The following CACNA1B variants were observed in gnomAD, a reference collection of about 807,000 sequenced individuals.
The protein encoded by CACNA1B is calcium voltage-gated channel subunit alpha1 B.
CACNA1B carries 70 observed loss-of-function variants against 247.2 expected under a neutral mutation model. The observed-to-expected ratio is 0.28, with a 90% CI of 0.23 to 0.35. CACNA1B has a LOEUF of 0.35. CACNA1B is among the 10% of genes least tolerant of loss of function. The pLI is 1.00. For missense variants in CACNA1B, 2,367 were observed against 3,197.4 expected (o/e 0.74, Z 6.26); for synonymous variants, 1,231 against 1,294.4 (o/e 0.95, Z 1.05).
chr9:138,073,751 T>G lies in CACNA1B; in HGVS notation c.4791+147T>G. The G allele has an allele frequency of 1.6e-6, 1 of 643,994 alleles. No homozygotes were observed. The highest frequency in any genetic ancestry group is 1.8e-5 in the South Asian group (1 of 54,862). 39.9% of individuals were successfully genotyped at this position (643,994 alleles called of 1,614,324 possible). A position where few individuals can be genotyped will look rare whatever the true frequency, so the allele number is the denominator to read the frequency against. On this transcript the variant is annotated intron_variant, in intron 33 of 46. Coordinates refer to ENST00000371372, the MANE Select transcript of CACNA1B (RefSeq NM_000718.4). The surrounding 1 kb of genome is among the most constrained non-coding windows in gnomAD (Gnocchi z 6.4). ...GTTGTATGCATTGTCCTGTTGTCAT[T>G]TATAAAGACGTTTTAAGTCATCTGT...
At chr9:137,993,439 C>T (rs1161955379) in intron 15 of CACNA1B, among the ~76,000 whole-genome samples, 1 of 137,666 alleles carries the variant, frequency 7.3e-6, no homozygotes, top group African/African-American at 3.0e-5. Context: ...ATTGATAGAC[C>T]ATTGGTGAGA....
intron 6 of CACNA1B, among the ~76,000 whole-genome samples, chr9:137,921,931 G>A (rs572429605): frequency 3.3e-4 from 48 of 144,014 alleles, no homozygotes; most frequent in African/African-American, 9.9e-4. Flanking sequence ...AACATGGTCA[G>A]CACCACGACC....
intron 15 of CACNA1B, among the ~76,000 whole-genome samples, chr9:137,993,276 A>T (rs143083103): frequency 2.6e-3 from 398 of 152,144 alleles, no homozygotes; most frequent in South Asian, 8.5e-3. Flanking sequence ...AAAAAGATAA[A>T]TTTTTTTAGT....
At chr9:137,960,205 G>A (rs1234666408) in intron 10 of CACNA1B, among the ~76,000 whole-genome samples, 1 of 53,342 alleles carries the variant, frequency 1.9e-5, no homozygotes, top group Non-Finnish European at 4.3e-5. Flanking sequence ...TGAGGGGGAG[G>A]GGGAGGGAAG....
intron 3 of CACNA1B, among the ~76,000 whole-genome samples, chr9:137,907,061 G>A (rs1335445851): frequency 1.3e-5 from 2 of 152,190 alleles, no homozygotes; most frequent in African/African-American, 2.4e-5. Flanking sequence ...GCCAGGGCAC[G>A]TGGGTGTGTG....
At chr9:137,963,822 C>T (rs1275034554) in intron 10 of CACNA1B, among the ~76,000 whole-genome samples, 8 of 152,144 alleles carry the variant, frequency 5.3e-5, no homozygotes, top group Non-Finnish European at 1.2e-4. Context: ...GTTTTTGCAG[C>T]GGCTAGTAAT....
intron 15 of CACNA1B, among the ~76,000 whole-genome samples, chr9:137,996,914 C>T (rs1235922041): frequency 6.6e-6 from 1 of 152,214 alleles, no homozygotes; most frequent in Non-Finnish European, 1.5e-5. Flanking sequence ...TCTGCAAACA[C>T]AGAAGCAAAG....
chr9:138,087,807 C>T (rs1360745939), intron 36 of CACNA1B, among the ~76,000 whole-genome samples: 1 of 149,364 alleles, frequency 6.7e-6, no homozygotes, highest in Non-Finnish European at 1.5e-5. Context: ...ATAACTTGAA[C>T]CAGGGGCAGG....
At position 138,000,137 on chromosome 9, in the gene CACNA1B, C is replaced by T. The variant is rs568163614; in HGVS notation, c.1975-6630C>T. Among the ~76,000 whole-genome samples, 68 of 148,402 alleles carry T rather than the reference C, an allele frequency of 4.6e-4. 1 individual carries two copies. Among genetic ancestry groups the T allele is most frequent in the Admixed American group, 1.3e-3 (19 of 14,924 alleles). ...TTTTTGAGATGGAGTCTCGCTCTGT[C>T]GCCCAGGCTGGAGTGCAGTGGTGCG... is the stretch of plus-strand genomic sequence containing the variant. On this transcript the variant is annotated intron_variant, in intron 15 of 46. Coordinates refer to ENST00000371372, the MANE Select transcript of CACNA1B (RefSeq NM_000718.4).
intron 25 of CACNA1B, among the ~76,000 whole-genome samples, chr9:138,053,575 T>A (rs964970789): frequency 6.6e-6 from 1 of 151,084 alleles, no homozygotes; most frequent in African/African-American, 2.4e-5. Flanking sequence ...TTGTCATGGC[T>A]CCACTCCTCC....
intron 6 of CACNA1B, among the ~76,000 whole-genome samples, chr9:137,935,859 A>AGTGCAGT (rs1957660979): frequency 6.7e-6 from 1 of 149,962 alleles, no homozygotes; most frequent in Non-Finnish European, 1.5e-5. Flanking sequence ...ACTGCCGCCC[A>AGTGCAGT]GGCCGGAGTG....
At chr9:137,935,030 C>T (rs1267075551) in intron 6 of CACNA1B, among the ~76,000 whole-genome samples, 1 of 152,146 alleles carries the variant, frequency 6.6e-6, no homozygotes, top group African/African-American at 2.4e-5. Flanking sequence ...TTAAGCTAAT[C>T]AGAAGGCACC....
At position 138,049,202 on chromosome 9, in the gene CACNA1B, C is replaced by T. The variant is rs1564258931; in HGVS notation, c.3604-7C>T. ...TGACGTATCTAACGTGTGTTTCTCC[C>T]TCCTAGATGATCGACTTGGGACTGC... On this transcript the variant is annotated splice_region_variant and splice_polypyrimidine_tract_variant and intron_variant, in intron 23 of 46. Coordinates refer to ENST00000371372, the MANE Select transcript of CACNA1B (RefSeq NM_000718.4). The T allele has an allele frequency of 1.3e-6, 2 of 1,576,684 alleles. No homozygotes were observed. Among genetic ancestry groups the T allele is most frequent in the Non-Finnish European group, 1.7e-6 (2 of 1,145,868 alleles).
At chr9:137,892,993 C>T (rs1360115145) in intron 3 of CACNA1B, among the ~76,000 whole-genome samples, 1 of 152,190 alleles carries the variant, frequency 6.6e-6, no homozygotes, top group Non-Finnish European at 1.5e-5. Context: ...GGAGGGGGGC[C>T]GCCATGGCAC....
intron 36 of CACNA1B, among the ~76,000 whole-genome samples, chr9:138,093,336 T>G (rs1960940930): frequency 7.1e-6 from 1 of 141,774 alleles, no homozygotes; most frequent in Admixed American, 7.6e-5. Flanking sequence ...GAGAATCGCT[T>G]GAACCCAGGA....
At position 138,051,976 on chromosome 9, in the gene CACNA1B, C is replaced by A. The variant is rs1026072632; in HGVS notation, c.3711-116C>A. ...GCCTCTCTGCTCCTGGGTCCTCCAC[C>A]CTGGAGTCTGAGACAAAATGCACAG... On this transcript the variant is annotated intron_variant, in intron 24 of 46. Coordinates refer to ENST00000371372, the MANE Select transcript of CACNA1B (RefSeq NM_000718.4). This position sits in a 1 kb window ranked among gnomAD's most constrained non-coding sequence, Gnocchi z 4.3. 14 of 635,530 alleles carry A rather than the reference C, an allele frequency of 2.2e-5. No individual in the cohort carries two copies. The highest frequency in any genetic ancestry group is 1.6e-4 in the African/African-American group (9 of 55,270). The allele number at this position is 635,530 out of a possible 1,614,324, so 39.4% of individuals were successfully genotyped here.
intron 6 of CACNA1B, among the ~76,000 whole-genome samples, chr9:137,920,012 G>A (rs553009301): frequency 3.9e-5 from 6 of 152,222 alleles, no homozygotes; most frequent in African/African-American, 9.6e-5. Context: ...GGACAGCACC[G>A]CACGAGGAAT....
At chr9:138,029,481 T>C (rs577014078) in intron 20 of CACNA1B, among the ~76,000 whole-genome samples, 29 of 152,312 alleles carry the variant, frequency 1.9e-4, no homozygotes, top group Non-Finnish European at 3.8e-4. Flanking sequence ...AATTATCCAT[T>C]TGATCTAGGT....
intron 34 of CACNA1B, among the ~76,000 whole-genome samples, chr9:138,074,525 G>A (rs1960247271): frequency 6.6e-6 from 1 of 152,234 alleles, no homozygotes; most frequent in Admixed American, 6.5e-5. Context: ...ACAGGTGTGA[G>A]CCACCGCGCC....
Sources: allele counts gnomAD v4.1 joint callset (sites outside exome capture counted in the v4.1 genomes callset), GRCh38; gene constraint gnomAD v4.1.1; non-coding constraint Gnocchi (gnomAD v3.1); transcripts MANE v1.5; gene names NCBI Gene and HGNC (gene_info 2026-07-23, HGNC 2026-07-21).